The following DMD variants were observed in gnomAD, a reference collection of about 807,000 sequenced individuals.
DMD encodes the protein mutant dystrophin.
Under a neutral mutation model 330.1 loss-of-function variants are expected in DMD, and 63 were observed. The observed-to-expected ratio is 0.19, with a 90% CI of 0.16 to 0.24. DMD has a LOEUF of 0.24. Among genes scored for constraint, DMD ranks in the 10% least tolerant of loss-of-function variants. DMD has a pLI of 1.00. For missense variants in DMD, 3,344 were observed against 2,684.1 expected (o/e 1.25, Z -5.43); for synonymous variants, 1,223 against 959.8 (o/e 1.27, Z -5.07).
intron 55 of DMD, among the ~76,000 whole-genome samples, chrX:31,589,932 C>A (rs1035045917): frequency 9.0e-6 from 1 of 110,885 alleles, no homozygotes; most frequent in African/African-American, 3.3e-5. Flanking sequence ...CAATGCCTCC[C>A]AAAATAAATA....
At chrX:31,958,618 C>T (rs2095270368) in intron 45 of DMD, among the ~76,000 whole-genome samples, 1 of 111,651 alleles carries the variant, frequency 9.0e-6, no homozygotes, top group Non-Finnish European at 1.9e-5. Flanking sequence ...CACCTGAACT[C>T]CTTTTCCACA....
At chrX:32,304,972 A>C (rs899105587) in intron 42 of DMD, among the ~76,000 whole-genome samples, 1 of 111,902 alleles carries the variant, frequency 8.9e-6, no homozygotes, top group East Asian at 2.8e-4. Context: ...TATATGATCC[A>C]TGATTATTTA....
At chrX:32,423,666 T>C (rs765510026) in intron 29 of DMD, among the ~76,000 whole-genome samples, 9 of 110,441 alleles carry the variant, frequency 8.1e-5, no homozygotes, top group Non-Finnish European at 1.5e-4. Flanking sequence ...GTAGGGTAAA[T>C]TATATCTAAA....
At chrX:32,512,694 C>A (rs1316850338) in intron 18 of DMD, among the ~76,000 whole-genome samples, 1 of 112,446 alleles carries the variant, frequency 8.9e-6, no homozygotes, top group Non-Finnish European at 1.9e-5. Context: ...TTTGTCAACA[C>A]TCTTCAGACA....
intron 50 of DMD, among the ~76,000 whole-genome samples, chrX:31,806,731 C>T (rs969344190): frequency 9.8e-5 from 11 of 112,524 alleles, no homozygotes; most frequent in African/African-American, 3.2e-4. Flanking sequence ...CTGGGTTTTA[C>T]TATAATGCTT....
intron 1 of DMD, among the ~76,000 whole-genome samples, chrX:33,280,495 C>A (rs764811050): frequency 6.0e-4 from 66 of 110,868 alleles, no homozygotes; most frequent in African/African-American, 2.0e-3. Flanking sequence ...TTGTTTTTTG[C>A]CTATGGGTGT....
chrX:32,482,672 C>A (rs1483835540), intron 21 of DMD, among the ~76,000 whole-genome samples: 3 of 111,411 alleles, frequency 2.7e-5, no homozygotes, highest in African/African-American at 9.7e-5. Context: ...TATTCAAACC[C>A]CATTAGCTTA....
At chrX:32,589,783 C>A (rs1328505556) in intron 13 of DMD, among the ~76,000 whole-genome samples, 3 of 111,333 alleles carry the variant, frequency 2.7e-5, no homozygotes, top group Non-Finnish European at 5.6e-5. Context: ...TAGCTATAAA[C>A]CTTCTAAGTT....
intron 48 of DMD, among the ~76,000 whole-genome samples, chrX:31,844,803 T>C (rs2093383729): frequency 9.0e-6 from 1 of 111,379 alleles, no homozygotes; most frequent in Non-Finnish European, 1.9e-5. Flanking sequence ...ATAGTTTGCA[T>C]TCTTGATTTG....
chrX:32,635,750 G>T (rs1337275328), intron 11 of DMD, among the ~76,000 whole-genome samples: 1 of 111,756 alleles, frequency 8.9e-6, no homozygotes, highest in African/African-American at 3.3e-5. Context: ...AGTTCAATAA[G>T]TGGCCTGTGA....
intron 30 of DMD, among the ~76,000 whole-genome samples, chrX:32,399,389 G>A (rs1308125755): frequency 9.0e-6 from 1 of 111,392 alleles, no homozygotes; most frequent in Non-Finnish European, 1.9e-5. Flanking sequence ...AACTCTATAG[G>A]AAAAAACTAA....
chrX:33,171,637 G>T (rs1006836090), intron 1 of DMD, among the ~76,000 whole-genome samples: 27 of 111,164 alleles, frequency 2.4e-4, no homozygotes, highest in African/African-American at 8.2e-4. Flanking sequence ...CAGGTACCCT[G>T]TCTTATACTT....
intron 1 of DMD, among the ~76,000 whole-genome samples, chrX:33,281,548 T>C (rs887000781): frequency 1.8e-5 from 2 of 111,594 alleles, no homozygotes; most frequent in African/African-American, 3.3e-5. Flanking sequence ...AATTTCAACA[T>C]CTAATTTATC....
chrX:32,243,962 T>TA (rs1166756115), intron 43 of DMD, among the ~76,000 whole-genome samples: 2 of 108,904 alleles, frequency 1.8e-5, no homozygotes, highest in African/African-American at 6.8e-5. Context: ...GAACTTTTTT[T>TA]TTTTTATTAT....
In DMD at chrX:31,749,196, G is replaced by C. The variant is rs1003587698; in HGVS notation, c.7543-19448C>G. On this transcript the variant is annotated intron_variant, in intron 51 of 78. Transcript: ENST00000357033. The stretch of plus-strand genomic sequence containing the variant: ...TTAGGGTACATGTGCACAATGTGCA[G>C]GTTAGTTACATATGTATACATGTGC... Among the ~76,000 whole-genome samples, 6 of 107,990 alleles carry C rather than the reference G, an allele frequency of 5.6e-5. No homozygotes were observed. In the Admixed American group the frequency reaches 6.0e-4, roughly 11 times the overall value. The allele number at this position is 107,990 out of a possible 115,157, so 93.8% of individuals were successfully genotyped here. A position where few individuals can be genotyped will look rare whatever the true frequency, so the allele number is the denominator to read the frequency against.
At chrX:31,366,496 AC>A (rs1464935741) in intron 60 of DMD, among the ~76,000 whole-genome samples, 646 of 62,872 alleles carry the variant, frequency 0.01, 5 homozygotes, top group African/African-American at 0.03. Context: ...AAAAAAAAAA[AC>A]ATAAAAAAAA....
At chrX:32,370,208 A>G (rs1276210817) in intron 34 of DMD, among the ~76,000 whole-genome samples, 2 of 91,084 alleles carry the variant, frequency 2.2e-5, no homozygotes, top group Non-Finnish European at 4.4e-5. Context: ...GTTTACCTTG[A>G]AAGTGGTAGT....
At chrX:32,818,259 G>A (rs906672723) in intron 5 of DMD, among the ~76,000 whole-genome samples, 10 of 111,547 alleles carry the variant, frequency 9.0e-5, no homozygotes, top group Non-Finnish European at 1.3e-4. Context: ...TGTGCATAAC[G>A]TTAAAGGACA....
At chrX:31,410,860 T>C (rs1446637727) in intron 60 of DMD, among the ~76,000 whole-genome samples, 1 of 106,756 alleles carries the variant, frequency 9.4e-6, no homozygotes, top group Non-Finnish European at 1.9e-5. Flanking sequence ...CACATCAGCC[T>C]CCCAAGTAGC....
Sources: allele counts gnomAD v4.1 joint callset (sites outside exome capture counted in the v4.1 genomes callset), GRCh38; gene constraint gnomAD v4.1.1; transcripts MANE v1.5; gene names NCBI Gene and HGNC (gene_info 2026-07-23, HGNC 2026-07-21).